Variants in GPC5 observed in about 807,000 individuals in gnomAD.
GPC5 encodes the protein glypican 5, also known as glypican-5.
A neutral mutation model predicts 53.9 loss-of-function variants in GPC5; 47 were observed. The ratio of observed to expected loss-of-function variants is 0.87; its 90% CI spans 0.69 to 1.11. The LOEUF is 1.11. GPC5 is among the 50% of genes most tolerant of loss of function. The pLI, the probability that GPC5 is intolerant of heterozygous loss-of-function variation, is 0.00. For synonymous variants in GPC5, 286 were observed against 263.3 expected (o/e 1.09, Z -0.84); for missense variants, 748 against 713.1 (o/e 1.05, Z -0.56).
In GPC5 at chr13:92,003,296, G is replaced by C. The variant is rs1239345169; in HGVS notation, c.1401+95239G>C. Among the ~76,000 whole-genome samples, 82 of 145,356 alleles carry C rather than the reference G, an allele frequency of 5.6e-4. 3 individuals are homozygous for C. The highest frequency in any genetic ancestry group is 1.2e-4 in the Non-Finnish European group (8 of 67,120). ...AGATGGCACCACTGCACCCCAGCCT[G>C]GGCAACAGAGTGAGTCTCTGTCTTA... is the stretch of plus-strand genomic sequence containing the variant. On this transcript the variant is annotated intron_variant, in intron 6 of 7. Coordinates refer to ENST00000377067, the MANE Select transcript of GPC5 (RefSeq NM_004466.6).
chr13:92,125,205 T>G (rs948474120), intron 6 of GPC5, among the ~76,000 whole-genome samples: 1 of 152,178 alleles, frequency 6.6e-6, no homozygotes, highest in African/African-American at 2.4e-5. Flanking sequence ...GTGAGTGAAT[T>G]TGGAAATAAA....
At chr13:92,107,614 ATAT>A (rs2041520358) in intron 6 of GPC5, among the ~76,000 whole-genome samples, 1 of 152,144 alleles carries the variant, frequency 6.6e-6, no homozygotes, top group Non-Finnish European at 1.5e-5. Context: ...ATTCTAGAAA[ATAT>A]TATTTTTTGC....
chr13:91,991,749 T>C (rs1286196151), intron 6 of GPC5, among the ~76,000 whole-genome samples: 2 of 152,196 alleles, frequency 1.3e-5, no homozygotes, highest in African/African-American at 2.4e-5. Flanking sequence ...TTCTGTCTGG[T>C]TAGAATTGGT....
In GPC5 at chr13:91,442,282, T is replaced by A. The variant is rs527476820; in HGVS notation, c.164-6479T>A. ...TATCACTAAAGTCACCACTGTACTA[T>A]TTTTATAATGATTTCCTTTTTTGTT... On this transcript the variant is annotated intron_variant, in intron 1 of 7. Coordinates refer to ENST00000377067, the MANE Select transcript of GPC5 (RefSeq NM_004466.6). 8.7e-4 allele frequency among the ~76,000 whole-genome samples: 133 copies of A among 152,352 alleles called. 2 individuals are homozygous for A. In the South Asian group the frequency reaches 0.027, roughly 31 times the overall value.
At chr13:92,190,924 T>C (rs753020753) in intron 7 of GPC5, among the ~76,000 whole-genome samples, 2 of 152,008 alleles carry the variant, frequency 1.3e-5, no homozygotes, top group Non-Finnish European at 2.9e-5. Context: ...AGACAGAGAT[T>C]GTAAGAATAG....
intron 2 of GPC5, among the ~76,000 whole-genome samples, chr13:91,595,919 A>G (rs1432326223): frequency 2.6e-5 from 4 of 152,180 alleles, no homozygotes; most frequent in African/African-American, 9.7e-5. Flanking sequence ...TTATCTATCT[A>G]CTATTCTATC....
chr13:91,837,620 T>A (rs1450518753), intron 5 of GPC5, among the ~76,000 whole-genome samples: 1 of 152,170 alleles, frequency 6.6e-6, no homozygotes, highest in Admixed American at 6.6e-5. Flanking sequence ...CATGGAGTTG[T>A]GTTTTGGTAA....
chr13:92,000,607 T>G (rs1302794788), intron 6 of GPC5, among the ~76,000 whole-genome samples: 1 of 152,150 alleles, frequency 6.6e-6, no homozygotes, highest in East Asian at 1.9e-4. Flanking sequence ...GTTCAGCAAT[T>G]CATTTTTCTT....
intron 6 of GPC5, among the ~76,000 whole-genome samples, chr13:92,024,510 C>G (rs867715254): frequency 6.6e-6 from 1 of 152,114 alleles, no homozygotes; most frequent in Non-Finnish European, 1.5e-5. Flanking sequence ...CTGTAATAAA[C>G]TTTCTTAACA....
At chr13:91,577,483 G>C (rs1353053301) in intron 2 of GPC5, among the ~76,000 whole-genome samples, 1 of 152,156 alleles carries the variant, frequency 6.6e-6, no homozygotes, top group Non-Finnish European at 1.5e-5. Context: ...TGTCTTTGGT[G>C]CATTATTAAT....
At chr13:92,056,735 T>C (rs1231281627) in intron 6 of GPC5, among the ~76,000 whole-genome samples, 1 of 152,232 alleles carries the variant, frequency 6.6e-6, no homozygotes, top group Non-Finnish European at 1.5e-5. Flanking sequence ...TTTTGTTTGC[T>C]TATTTCTTTG....
chr13:91,413,704 C>T (rs2138952776), intron 1 of GPC5, among the ~76,000 whole-genome samples: 1 of 152,304 alleles, frequency 6.6e-6, no homozygotes, highest in African/African-American at 2.4e-5. Context: ...ACAATAGTCA[C>T]TCTCACTGTT....
intron 7 of GPC5, among the ~76,000 whole-genome samples, chr13:92,752,828 C>T (rs1036743403): frequency 1.3e-5 from 2 of 152,250 alleles, no homozygotes; most frequent in Admixed American, 6.5e-5. Context: ...GCACCTGGCT[C>T]GGAGGGACCT....
At chr13:92,310,934 G>A (rs2043141208) in intron 7 of GPC5, among the ~76,000 whole-genome samples, 1 of 152,066 alleles carries the variant, frequency 6.6e-6, no homozygotes, top group Non-Finnish European at 1.5e-5. Flanking sequence ...ACTCTGGATG[G>A]TTATTCAAGT....
intron 2 of GPC5, among the ~76,000 whole-genome samples, chr13:91,646,621 A>C (rs2034563648): frequency 6.6e-6 from 1 of 152,170 alleles, no homozygotes; most frequent in South Asian, 2.1e-4. Flanking sequence ...TAAAATATTT[A>C]ATGAGCACAT....
intron 6 of GPC5, among the ~76,000 whole-genome samples, chr13:92,122,787 T>A (rs1331956676): frequency 1.3e-5 from 2 of 148,538 alleles, no homozygotes; most frequent in Non-Finnish European, 3.0e-5. Context: ...AGCCATCTAA[T>A]TTTATTCCTT....
At chr13:92,477,309 G>C in intron 7 of GPC5, among the ~76,000 whole-genome samples, 1 of 152,126 alleles carries the variant, frequency 6.6e-6, no homozygotes, top group South Asian at 2.1e-4. Flanking sequence ...TTCAAGCCAA[G>C]ACTGTTTAGA....
intron 7 of GPC5, among the ~76,000 whole-genome samples, chr13:92,782,705 T>C (rs939575535): frequency 6.6e-6 from 1 of 152,184 alleles, no homozygotes; most frequent in Non-Finnish European, 1.5e-5. Context: ...TATAGACTGG[T>C]TTATTTCTGG....
At chr13:91,520,105 C>A (rs1885722123) in intron 2 of GPC5, among the ~76,000 whole-genome samples, 1 of 151,712 alleles carries the variant, frequency 6.6e-6, no homozygotes, top group South Asian at 2.1e-4. Context: ...ATAGTGGAAC[C>A]ATAAAAAAAA....
Sources: gnomAD v4.1 joint callset for allele counts (sites outside exome capture counted in the v4.1 genomes callset) on GRCh38, gnomAD v4.1.1 for gene constraint, MANE v1.5 for transcripts, NCBI Gene and HGNC (gene_info 2026-07-23, HGNC 2026-07-21) for gene names.